The following SEMA6D variants were observed in gnomAD, a reference collection of about 807,000 sequenced individuals.
SEMA6D encodes the protein semaphorin-6D.
A neutral mutation model predicts 106.6 loss-of-function variants in SEMA6D; 35 were observed. The ratio of observed to expected loss-of-function variants is 0.33; its 90% CI spans 0.25 to 0.44. The LOEUF (loss-of-function observed/expected upper bound fraction) is 0.44. Ranked by LOEUF, SEMA6D falls within the 20% of genes least tolerant of loss-of-function variation. SEMA6D has a pLI of 1.00. For synonymous variants in SEMA6D, 499 were observed against 487.7 expected (o/e 1.02, Z -0.31); for missense variants, 1,185 against 1,345.9 (o/e 0.88, Z 1.87).
At chr15:47,340,568 A>AC (rs2037775387) in intron 1 of SEMA6D, among the ~76,000 whole-genome samples, 1 of 152,222 alleles carries the variant, frequency 6.6e-6, no homozygotes, top group Admixed American at 6.5e-5. Flanking sequence ...AGTTAAAAAA[A>AC]ATCATTCTTT....
intron 2 of SEMA6D, among the ~76,000 whole-genome samples, chr15:47,418,256 T>C (rs764403703): frequency 6.6e-6 from 1 of 152,094 alleles, no homozygotes; most frequent in Non-Finnish European, 1.5e-5. Context: ...AGAGAATGGG[T>C]AGTATACTTG....
At chr15:47,215,875 G>A (rs2030543825) in intron 1 of SEMA6D, among the ~76,000 whole-genome samples, 2 of 152,156 alleles carry the variant, frequency 1.3e-5, no homozygotes, top group South Asian at 4.1e-4. Context: ...TACTGTGACA[G>A]AGAGGTCGAG....
chr15:47,219,637 C>T (rs1463007151), intron 1 of SEMA6D, among the ~76,000 whole-genome samples: 2 of 152,118 alleles, frequency 1.3e-5, no homozygotes, highest in African/African-American at 2.4e-5. Context: ...TTATGCTACC[C>T]ACCTTCCTTA....
chr15:47,600,432 A>T (rs939302433), intron 3 of SEMA6D, among the ~76,000 whole-genome samples: 1 of 152,286 alleles, frequency 6.6e-6, no homozygotes, highest in South Asian at 2.1e-4. Flanking sequence ...GTTGCATTTC[A>T]TGAAACAGCT....
chr15:47,753,384 C>T (rs913408130), intron 1 of SEMA6D, among the ~76,000 whole-genome samples: 1 of 152,126 alleles, frequency 6.6e-6, no homozygotes, highest in African/African-American at 2.4e-5. Flanking sequence ...CAGAGTTCAT[C>T]CAAGGTTACG....
chr15:47,619,152 G>A (rs953148384), intron 4 of SEMA6D, among the ~76,000 whole-genome samples: 4 of 152,340 alleles, frequency 2.6e-5, no homozygotes, highest in Admixed American at 6.5e-5. Flanking sequence ...AAACCACTAA[G>A]GGAAGACCTG....
intron 4 of SEMA6D, among the ~76,000 whole-genome samples, chr15:47,605,904 T>G (rs1054398724): frequency 2.0e-5 from 3 of 152,148 alleles, no homozygotes; most frequent in African/African-American, 7.2e-5. Context: ...TAAGCACAAT[T>G]AATTACATCA....
intron 1 of SEMA6D, among the ~76,000 whole-genome samples, chr15:47,309,151 TC>T (rs912748889): frequency 3.3e-5 from 5 of 152,000 alleles, no homozygotes; most frequent in African/African-American, 1.2e-4. Context: ...AATACAGTAG[TC>T]CCCCCCATCA....
chr15:47,717,676 A>C lies in SEMA6D; in HGVS notation c.-71A>C, dbSNP rs2079163157. The C allele has an allele frequency of 6.8e-6, 1 of 147,282 alleles. No individual in the cohort carries two copies. The highest frequency in any genetic ancestry group is 2.5e-5 in the African/African-American group (1 of 39,504). 9.1% of individuals were successfully genotyped at this position (147,282 alleles called of 1,614,324 possible). A position where few individuals can be genotyped will look rare whatever the true frequency, so the allele number is the denominator to read the frequency against. Reference sequence around the variant, plus strand: ...TTTTTTCTTTTTCTTTTTTCTTACCAGCCTCCCCCCAATGAGGTAAGACCG... The same window carrying C: ...TTTTTTCTTTTTCTTTTTTCTTACCCGCCTCCCCCCAATGAGGTAAGACCG... On this transcript the variant is annotated 5_prime_UTR_variant, in exon 1 of 19. Coordinates refer to ENST00000536845, the MANE Select transcript of SEMA6D (RefSeq NM_001358351.3).
intron 1 of SEMA6D, among the ~76,000 whole-genome samples, chr15:47,407,876 A>C (rs1226393703): frequency 6.6e-6 from 1 of 152,170 alleles, no homozygotes; most frequent in East Asian, 1.9e-4. Context: ...ATCCTTTCGC[A>C]GGGGGATGGC....
intron 3 of SEMA6D, among the ~76,000 whole-genome samples, chr15:47,523,114 C>G (rs1241726529): frequency 6.6e-6 from 1 of 152,230 alleles, no homozygotes; most frequent in Non-Finnish European, 1.5e-5. Context: ...TAACAGTGCC[C>G]TTCATTGGCT....
intron 1 of SEMA6D, among the ~76,000 whole-genome samples, chr15:47,267,386 C>G (rs894223877): frequency 2.0e-5 from 3 of 150,844 alleles, no homozygotes; most frequent in Non-Finnish European, 4.4e-5. Context: ...AATTAAGTAA[C>G]TTATTAAGGA....
At chr15:47,270,654 T>C (rs2034517984) in intron 1 of SEMA6D, among the ~76,000 whole-genome samples, 1 of 152,194 alleles carries the variant, frequency 6.6e-6, no homozygotes, top group South Asian at 2.1e-4. Context: ...TATCACAAAC[T>C]ATTTAGCAAT....
chr15:47,762,660 C>T (rs1280459854), intron 8 of SEMA6D, among the ~76,000 whole-genome samples: 1 of 152,142 alleles, frequency 6.6e-6, no homozygotes, highest in Non-Finnish European at 1.5e-5. Flanking sequence ...TCGATTAGTC[C>T]GTATGAGAGC....
At chr15:47,566,289 C>A (rs151322698) in intron 3 of SEMA6D, among the ~76,000 whole-genome samples, 48 of 152,286 alleles carry the variant, frequency 3.2e-4, no homozygotes, top group Non-Finnish European at 5.4e-4. Context: ...CATGCTAGGC[C>A]CACTTTGGCC....
chr15:47,302,305 T>C (rs1466782), intron 1 of SEMA6D, among the ~76,000 whole-genome samples: 130,091 of 152,182 alleles, frequency 0.85, 57,352 homozygotes, highest in Non-Finnish European at 0.97. Context: ...ATTGTCCATA[T>C]GTAAGCCCTT....
intron 3 of SEMA6D, among the ~76,000 whole-genome samples, chr15:47,548,396 G>A (rs1344706060): frequency 3.3e-5 from 5 of 152,154 alleles, no homozygotes; most frequent in Non-Finnish European, 5.9e-5. Context: ...AACAAGTTCA[G>A]CTCTTTCTTG....
At chr15:47,220,203 T>A (rs1670653134) in intron 1 of SEMA6D, among the ~76,000 whole-genome samples, 1 of 152,160 alleles carries the variant, frequency 6.6e-6, no homozygotes, top group African/African-American at 2.4e-5. Context: ...TTGCAAATGG[T>A]ATGGACACAG....
chr15:47,398,980 T>A (rs1308513740), intron 1 of SEMA6D, among the ~76,000 whole-genome samples: 1 of 152,142 alleles, frequency 6.6e-6, no homozygotes, highest in African/African-American at 2.4e-5. Context: ...CAGAATACAT[T>A]ACTGAAATAC....
Sources: gnomAD v4.1 joint callset for allele counts (sites outside exome capture counted in the v4.1 genomes callset) on GRCh38, gnomAD v4.1.1 for gene constraint, MANE v1.5 for transcripts, NCBI Gene and HGNC (gene_info 2026-07-23, HGNC 2026-07-21) for gene names.